Variants in SETBP1 observed in about 807,000 individuals in gnomAD.
SETBP1 encodes the protein SET-binding protein.
In SETBP1, 9 loss-of-function variants were observed where a neutral mutation model predicts 101.0. The ratio of observed to expected loss-of-function variants is 0.09; its 90% CI spans 0.05 to 0.16. SETBP1 has a LOEUF of 0.16. Among genes scored for constraint, SETBP1 ranks in the 10% least tolerant of loss-of-function variants. The pLI is 1.00. For missense variants in SETBP1, 1,858 were observed against 2,033.8 expected, an observed-to-expected ratio of 0.91 and a Z score of 1.66; for synonymous variants, 818 against 788.5, an observed-to-expected ratio of 1.04 and a Z score of -0.63.
intron 3 of SETBP1, among the ~76,000 whole-genome samples, chr18:44,877,734 T>C (rs1056961589): frequency 3.3e-5 from 5 of 152,234 alleles, no homozygotes; most frequent in African/African-American, 1.2e-4. Context: ...ATACATTTTT[T>C]GAACTGCTTA....
intron 2 of SETBP1, among the ~76,000 whole-genome samples, chr18:44,717,384 T>A (rs1000948198): frequency 8.5e-5 from 13 of 152,234 alleles, no homozygotes; most frequent in Non-Finnish European, 1.8e-4. Context: ...CCAAACTTCA[T>A]GCTTTTGTCC....
intron 3 of SETBP1, among the ~76,000 whole-genome samples, chr18:44,914,683 T>C (rs2070387399): frequency 6.6e-6 from 1 of 152,010 alleles, no homozygotes. Flanking sequence ...TAGACTGAGG[T>C]GAGATTTTTA....
intron 1 of SETBP1, among the ~76,000 whole-genome samples, chr18:44,684,431 A>G (rs1248362091): frequency 1.3e-5 from 2 of 152,070 alleles, no homozygotes; most frequent in African/African-American, 2.4e-5. Context: ...CGAACTTTCT[A>G]TTAGATTTTG....
At chr18:44,727,733 C>T (rs2069746076) in intron 2 of SETBP1, among the ~76,000 whole-genome samples, 1 of 152,188 alleles carries the variant, frequency 6.6e-6, no homozygotes, top group Non-Finnish European at 1.5e-5. Context: ...GACATTTAGC[C>T]AATCTCCTTG....
chr18:44,698,131 A>C (rs1457833751), intron 1 of SETBP1, among the ~76,000 whole-genome samples: 1 of 152,172 alleles, frequency 6.6e-6, no homozygotes, highest in Non-Finnish European at 1.5e-5. Context: ...AGGCTATTTG[A>C]AACTGCATTA....
intron 3 of SETBP1, among the ~76,000 whole-genome samples, chr18:44,891,490 T>A (rs2069768292): frequency 6.6e-6 from 1 of 152,124 alleles, no homozygotes. Context: ...TGGGCCTCAT[T>A]ATAAGCCAAC....
intron 2 of SETBP1, among the ~76,000 whole-genome samples, chr18:44,760,576 ACCT>A (rs1168878417): frequency 1.3e-5 from 2 of 152,060 alleles, no homozygotes; most frequent in African/African-American, 2.4e-5. Context: ...TGGCTGACAC[ACCT>A]CCTCTTTCCT....
chr18:44,883,838 T>G (rs986510075), intron 3 of SETBP1, among the ~76,000 whole-genome samples: 1 of 152,152 alleles, frequency 6.6e-6, no homozygotes, highest in Non-Finnish European at 1.5e-5. Flanking sequence ...AAAATCAAGG[T>G]CCTCACACTC....
rs569089760 is a variant in SETBP1, at chr18:45,065,334, C to T, written c.*1636C>T. 6.6e-6 allele frequency: 1 copy of T among 152,094 alleles called. No individual in the cohort carries two copies. Among genetic ancestry groups the T allele is most frequent in the African/African-American group, 2.4e-5 (1 of 41,390 alleles). The allele number at this position is 152,094 out of a possible 1,614,324, so 9.4% of individuals were successfully genotyped here. On this transcript the variant is annotated 3_prime_UTR_variant, in exon 6 of 6. Transcript: ENST00000649279. ...CTTCCCCAAGACATCAAACACCTGG[C>T]ATGGTAGATTATAGAAAGAGACACT...
chr18:44,902,527 C>A (rs995474188), intron 3 of SETBP1, among the ~76,000 whole-genome samples: 2 of 151,982 alleles, frequency 1.3e-5, no homozygotes, highest in Non-Finnish European at 2.9e-5. Flanking sequence ...CTCCCCAAAT[C>A]ATACACAGTA....
chr18:44,739,504 C>T (rs1410577459), intron 2 of SETBP1, among the ~76,000 whole-genome samples: 2 of 152,106 alleles, frequency 1.3e-5, no homozygotes, highest in Admixed American at 1.3e-4. Flanking sequence ...CTGTTGGAGT[C>T]ATAATGCTTT....
rs55811938 is a variant in SETBP1, at chr18:44,991,244, C to CAAA, written c.4000+37924_4000+37926dup. Among the ~76,000 whole-genome samples, 167 of 67,946 alleles carry CAAA rather than the reference C, an allele frequency of 2.5e-3. 1 individual carries two copies. Among genetic ancestry groups the CAAA allele is most frequent in the East Asian group, 4.2e-3 (13 of 3,088 alleles). 44.6% of individuals were successfully genotyped at this position (67,946 alleles called of 152,430 possible). A position where few individuals can be genotyped will look rare whatever the true frequency, so the allele number is the denominator to read the frequency against. On this transcript the variant is annotated intron_variant, in intron 4 of 5. Coordinates refer to ENST00000649279, the MANE Select transcript of SETBP1 (RefSeq NM_015559.3). Reference sequence around the variant, plus strand: ...AGTGACAGAGCGAGACTGCATCTCACAAAAAAAAAAAAAAAAAAAAAAGGA... The same window carrying CAAA: ...AGTGACAGAGCGAGACTGCATCTCACAAAAAAAAAAAAAAAAAAAAAAAAAGGA...
At chr18:44,844,678 G>A (rs559448513) in intron 2 of SETBP1, among the ~76,000 whole-genome samples, 13 of 152,058 alleles carry the variant, frequency 8.5e-5, no homozygotes, top group African/African-American at 1.4e-4. Context: ...ACCAACAAGC[G>A]GGAGGGGCAG....
chr18:44,896,431 C>A (rs777330243), intron 3 of SETBP1, among the ~76,000 whole-genome samples: 4 of 152,184 alleles, frequency 2.6e-5, no homozygotes, highest in Non-Finnish European at 5.9e-5. Context: ...TCTAATTATT[C>A]TTCTGTGCCT....
At chr18:45,056,285 T>C (rs2073807417) in intron 5 of SETBP1, among the ~76,000 whole-genome samples, 1 of 152,200 alleles carries the variant, frequency 6.6e-6, no homozygotes, top group East Asian at 1.9e-4. Flanking sequence ...AATTACCGTG[T>C]GGGCTGGCCT....
chr18:44,830,517 G>A (rs16978186), intron 2 of SETBP1, among the ~76,000 whole-genome samples: 4,720 of 152,286 alleles, frequency 0.031, 235 homozygotes, highest in African/African-American at 0.11. Flanking sequence ...TAGGGGAGAT[G>A]TTTGGAAGTC....
intron 3 of SETBP1, among the ~76,000 whole-genome samples, chr18:44,934,867 G>A (rs548964738): frequency 6.2e-4 from 94 of 152,214 alleles, no homozygotes; most frequent in African/African-American, 1.9e-3. Context: ...GAATAAAGAC[G>A]GAAGACAGTC....
At chr18:44,778,445 C>T (rs1276889244) in intron 2 of SETBP1, among the ~76,000 whole-genome samples, 1 of 152,196 alleles carries the variant, frequency 6.6e-6, no homozygotes, top group African/African-American at 2.4e-5. Flanking sequence ...ACTTGCATAA[C>T]ATTTTCCTAA....
intron 3 of SETBP1, among the ~76,000 whole-genome samples, chr18:44,875,329 C>CCAA (rs1410753445): frequency 1.3e-5 from 2 of 151,904 alleles, no homozygotes; most frequent in Non-Finnish European, 2.9e-5. Flanking sequence ...GACCTCCTGG[C>CCAA]CAACATGGTG....
Sources: allele counts gnomAD v4.1 joint callset (sites outside exome capture counted in the v4.1 genomes callset), GRCh38; gene constraint gnomAD v4.1.1; transcripts MANE v1.5; gene names NCBI Gene and HGNC (gene_info 2026-07-23, HGNC 2026-07-21).